The following RAB27B variants were observed in gnomAD, a reference collection of about 807,000 sequenced individuals.
The protein encoded by RAB27B is ras-related protein Rab-27B.
RAB27B carries 15 observed loss-of-function variants against 24.6 expected under a neutral mutation model. The observed-to-expected ratio is 0.61, with a 90% CI of 0.41 to 0.94. The LOEUF is 0.94. Ranked by LOEUF, RAB27B falls within the 40% of genes least tolerant of loss-of-function variation. The pLI, the probability that RAB27B is intolerant of heterozygous loss-of-function variation, is 0.00. For missense variants in RAB27B, 261 were observed against 266.8 expected (o/e 0.98, Z 0.15); for synonymous variants, 105 against 92.5 (o/e 1.14, Z -0.78).
intron 1 of RAB27B, among the ~76,000 whole-genome samples, chr18:54,872,368 G>A (rs1248515393): frequency 6.6e-6 from 1 of 152,172 alleles, no homozygotes; most frequent in East Asian, 1.9e-4. Flanking sequence ...GCTCATGCCT[G>A]TAATCCCAGC....
intron 1 of RAB27B, among the ~76,000 whole-genome samples, chr18:54,845,237 T>A (rs1186877230): frequency 6.6e-6 from 1 of 151,856 alleles, no homozygotes; most frequent in Non-Finnish European, 1.5e-5. Context: ...TGAAACCCCG[T>A]GTCTACTAAA....
At chr18:54,765,087 A>C (rs552855333) in intron 2 of RAB27B, among the ~76,000 whole-genome samples, 4 of 152,264 alleles carry the variant, frequency 2.6e-5, no homozygotes, top group South Asian at 4.1e-4. Flanking sequence ...AACAAAAAAA[A>C]ACAAAAAAAC....
intron 2 of RAB27B, among the ~76,000 whole-genome samples, chr18:54,768,402 G>A (rs780591617): frequency 1.3e-5 from 2 of 152,070 alleles, no homozygotes; most frequent in African/African-American, 2.4e-5. Flanking sequence ...TGAAGGTACC[G>A]AACAGCCATT....
chr18:54,733,662 C>CA (rs1555651356), intron 2 of RAB27B, among the ~76,000 whole-genome samples: 2 of 136,132 alleles, frequency 1.5e-5, no homozygotes, highest in African/African-American at 5.4e-5. Context: ...CCCCCCCCCC[C>CA]AAATTTGCTA....
At chr18:54,863,174 A>G (rs12604312) in intron 1 of RAB27B, among the ~76,000 whole-genome samples, 35,575 of 152,124 alleles carry the variant, frequency 0.23, 4,243 homozygotes, top group South Asian at 0.32. Context: ...TACCTGATTA[A>G]GTATATATGT....
intron 2 of RAB27B, among the ~76,000 whole-genome samples, chr18:54,799,984 C>T (rs1427746021): frequency 6.6e-6 from 1 of 152,138 alleles, no homozygotes; most frequent in African/African-American, 2.4e-5. Flanking sequence ...CGTTATCCCA[C>T]CACACAGAAA....
chr18:54,724,903 C>A (rs890543549), intron 2 of RAB27B, among the ~76,000 whole-genome samples: 1 of 151,490 alleles, frequency 6.6e-6, no homozygotes, highest in African/African-American at 2.4e-5. Context: ...TAAGAGTAAA[C>A]TTGATTCTTA....
intron 1 of RAB27B, among the ~76,000 whole-genome samples, chr18:54,847,855 GAA>G (rs5825096): frequency 6.6e-6 from 1 of 150,726 alleles, no homozygotes; most frequent in Non-Finnish European, 1.5e-5. Context: ...AAGAAAGAAA[GAA>G]AAAAAAAACT....
intron 1 of RAB27B, among the ~76,000 whole-genome samples, chr18:54,833,579 C>T (rs1910778117): frequency 6.6e-6 from 1 of 152,036 alleles, no homozygotes; most frequent in Non-Finnish European, 1.5e-5. Context: ...AATGGAAGGT[C>T]TAGACAACAC....
intron 1 of RAB27B, among the ~76,000 whole-genome samples, chr18:54,864,113 A>G (rs982919482): frequency 2.0e-5 from 3 of 152,046 alleles, no homozygotes; most frequent in Admixed American, 2.0e-4. Context: ...TGGCTGCTCC[A>G]TTTACATTCC....
chr18:54,741,988 A>C (rs1046486089), intron 2 of RAB27B, among the ~76,000 whole-genome samples: 1 of 152,202 alleles, frequency 6.6e-6, no homozygotes, highest in Non-Finnish European at 1.5e-5. Flanking sequence ...AATCAGTCTT[A>C]AGGGGTTTGT....
rs534230870 is a variant in RAB27B, at chr18:54,892,338, G to A, written c.*2925G>A. 63 of 152,066 alleles carry A rather than the reference G, an allele frequency of 4.1e-4. No homozygotes were observed. The highest frequency in any genetic ancestry group is 1.5e-3 in the African/African-American group (63 of 41,498). 9.4% of individuals were successfully genotyped at this position (152,066 alleles called of 1,614,324 possible). ...AACCACATAGCTCATTTCCTATAAT[G>A]TTATATCATAGGAAGCCCTCACAGA... On this transcript the variant is annotated 3_prime_UTR_variant, in exon 6 of 6. Transcript: ENST00000262094.
intron 2 of RAB27B, among the ~76,000 whole-genome samples, chr18:54,818,386 C>T (rs1377286306): frequency 6.6e-6 from 1 of 152,114 alleles, no homozygotes; most frequent in Non-Finnish European, 1.5e-5. Context: ...AATTGTGTTC[C>T]TTTCTCCTTG....
In RAB27B at chr18:54,848,767, C is replaced by T. The variant is rs148939339; in HGVS notation, c.-20+20067C>T. Reference sequence around the variant, plus strand: ...ACCATAAAAAGATTTCATGGTATGGCGGGGAGAGGGGATAGGAGGGGTGTC... The same window carrying T: ...ACCATAAAAAGATTTCATGGTATGGTGGGGAGAGGGGATAGGAGGGGTGTC... On this transcript the variant is annotated intron_variant, in intron 1 of 5. Coordinates refer to ENST00000262094, the MANE Select transcript of RAB27B (RefSeq NM_004163.4). 7.7e-4 allele frequency among the ~76,000 whole-genome samples: 117 copies of T among 151,962 alleles called. No individual in the cohort carries two copies. In the South Asian group the frequency reaches 9.6e-3, roughly 12 times the overall value.
intron 2 of RAB27B, among the ~76,000 whole-genome samples, chr18:54,791,264 C>T (rs958261261): frequency 3.9e-5 from 6 of 152,062 alleles, no homozygotes; most frequent in Admixed American, 1.3e-4. Context: ...GAAACCTCAA[C>T]TCTGTATGGA....
chr18:54,859,336 C>A (rs949832421), intron 1 of RAB27B, among the ~76,000 whole-genome samples: 4 of 152,094 alleles, frequency 2.6e-5, no homozygotes, highest in Non-Finnish European at 4.4e-5. Context: ...GATATGTTTC[C>A]ATATGAAGGT....
At chr18:54,808,767 C>G (rs1334330205) in intron 2 of RAB27B, among the ~76,000 whole-genome samples, 2 of 152,122 alleles carry the variant, frequency 1.3e-5, no homozygotes, top group Non-Finnish European at 2.9e-5. Context: ...TTGATACATA[C>G]AGTTAAAGAC....
chr18:54,843,065 G>A (rs1911180577), intron 1 of RAB27B, among the ~76,000 whole-genome samples: 1 of 152,084 alleles, frequency 6.6e-6, no homozygotes, highest in African/African-American at 2.4e-5. Context: ...CAAAGTGCTG[G>A]GATTACAGGT....
intron 2 of RAB27B, among the ~76,000 whole-genome samples, chr18:54,802,668 G>C (rs766923012): frequency 1.3e-5 from 2 of 152,096 alleles, no homozygotes; most frequent in African/African-American, 2.4e-5. Flanking sequence ...TGGAATATAA[G>C]GCAAAAGAGA....
Sources: allele counts gnomAD v4.1 joint callset (sites outside exome capture counted in the v4.1 genomes callset), GRCh38; gene constraint gnomAD v4.1.1; transcripts MANE v1.5; gene names NCBI Gene and HGNC (gene_info 2026-07-23, HGNC 2026-07-21).